The following SLC24A2 variants were observed in gnomAD, a reference collection of about 807,000 sequenced individuals.
The protein encoded by SLC24A2 is sodium/potassium/calcium exchanger 2.
A neutral mutation model predicts 62.0 loss-of-function variants in SLC24A2; 36 were observed. The observed-to-expected ratio is 0.58, with a 90% CI of 0.44 to 0.77. The LOEUF is 0.77. SLC24A2 is among the 30% of genes least tolerant of loss of function. The probability of loss-of-function intolerance (pLI) is 0.00; values close to 1 mark genes in which losing one functional copy is unlikely to be tolerated. For missense variants in SLC24A2, 846 were observed against 817.9 expected (o/e 1.03, Z -0.42); for synonymous variants, 358 against 294.0 (o/e 1.22, Z -2.23).
intron 4 of SLC24A2, among the ~76,000 whole-genome samples, chr9:19,613,818 A>G (rs1260853852): frequency 6.6e-6 from 1 of 152,006 alleles, no homozygotes; most frequent in Non-Finnish European, 1.5e-5. Context: ...ACAAACACAG[A>G]CTGTGAGTCA....
the SLC24A2 span, among the ~76,000 whole-genome samples, chr9:19,934,232 T>C: frequency 4.6e-5 from 7 of 152,334 alleles, no homozygotes; most frequent in South Asian, 8.3e-4. This position sits in a 1 kb window ranked among gnomAD's most constrained non-coding sequence, Gnocchi z 4.1. Context: ...TCTGCACTTA[T>C]TAGGGCAGTT....
intron 2 of SLC24A2, among the ~76,000 whole-genome samples, chr9:19,772,872 C>T (rs190649527): frequency 6.6e-6 from 1 of 152,294 alleles, no homozygotes; most frequent in Admixed American, 6.5e-5. Flanking sequence ...AACATGTATT[C>T]ACACAAACAC....
rs1194089979 is a variant in SLC24A2 at position 19,786,625 on chromosome 9, C to T, written c.242G>A (p.Gly81Asp). The T allele has an allele frequency of 6.2e-7, 1 of 1,614,068 alleles. No individual in the cohort carries two copies. Among genetic ancestry groups the T allele is most frequent in the Non-Finnish European group, 8.5e-7 (1 of 1,179,980 alleles). Residue 81 changes from glycine to aspartate, a missense_variant, in exon 2 of 11, where the codon GGT becomes GAT. Gly to Asp is a moderately conservative substitution (Grantham distance 94). Coordinates refer to ENST00000341998, the MANE Select transcript of SLC24A2 (RefSeq NM_020344.4). This position sits in a 1 kb window ranked among gnomAD's most constrained non-coding sequence, Gnocchi z 5.0. ...SVVSGPRVAQ[G>D]YHQRTLLDLN... ...ATCTAAGAGAGTTCTCTGATGGTAA[C>T]CCTGTGCTACCCTAGGGCCACTTAC... is the stretch of plus-strand genomic sequence containing the variant.
At chr9:19,798,763 T>A in the SLC24A2 span, among the ~76,000 whole-genome samples, 1 of 152,196 alleles carries the variant, frequency 6.6e-6, no homozygotes, top group Non-Finnish European at 1.5e-5. Context: ...TGAAGTTCTG[T>A]AACACAAATG....
At chr9:19,593,240 A>G (rs1253475569) in intron 5 of SLC24A2, among the ~76,000 whole-genome samples, 1 of 152,218 alleles carries the variant, frequency 6.6e-6, no homozygotes, top group East Asian at 1.9e-4. Flanking sequence ...TGTGTCTCCC[A>G]CAAGGTCATG....
At chr9:20,139,280 G>A in the SLC24A2 span, among the ~76,000 whole-genome samples, 1 of 152,172 alleles carries the variant, frequency 6.6e-6, no homozygotes, top group African/African-American at 2.4e-5. Flanking sequence ...AAATCCCAGG[G>A]CTACCCCTTA....
the SLC24A2 span, among the ~76,000 whole-genome samples, chr9:19,802,647 T>C: frequency 2.6e-5 from 4 of 152,118 alleles, no homozygotes; most frequent in Admixed American, 2.6e-4. Flanking sequence ...CCATCAAGAA[T>C]GGGCAAAATA....
the SLC24A2 span, among the ~76,000 whole-genome samples, chr9:19,916,813 T>A: frequency 1.3e-5 from 2 of 151,870 alleles, no homozygotes; most frequent in African/African-American, 4.8e-5. Flanking sequence ...TATATGTCTT[T>A]TTGTGCATGT....
chr9:19,731,844 G>T (rs1821347801), intron 2 of SLC24A2, among the ~76,000 whole-genome samples: 1 of 152,176 alleles, frequency 6.6e-6, no homozygotes, highest in African/African-American at 2.4e-5. Flanking sequence ...CTGTTAGCAG[G>T]ACCTCACACA....
rs181975788 is a variant in SLC24A2 at position 19,552,638 on chromosome 9, A to C, written c.1348-2370T>G. ...CCCCCTAGCTCTGTTCATCACTACC[A>C]TCCACAATCTAGCAACTTTTCTCTC... On this transcript the variant is annotated intron_variant, in intron 7 of 10. Coordinates refer to ENST00000341998, the MANE Select transcript of SLC24A2 (RefSeq NM_020344.4). 1.1e-3 allele frequency among the ~76,000 whole-genome samples: 169 copies of C among 152,216 alleles called. No homozygotes were observed. In the South Asian group the frequency reaches 0.011, roughly 10 times the overall value.
the SLC24A2 span, among the ~76,000 whole-genome samples, chr9:20,042,482 C>A: frequency 2.0e-5 from 3 of 152,130 alleles, no homozygotes; most frequent in African/African-American, 7.2e-5. Context: ...AGAATGAAAA[C>A]CAAAGTTATC....
intron 2 of SLC24A2, among the ~76,000 whole-genome samples, chr9:19,778,880 A>C (rs1446129641): frequency 6.6e-6 from 1 of 152,244 alleles, no homozygotes; most frequent in African/African-American, 2.4e-5. Context: ...ATACAAAATA[A>C]ATATACTTAA....
intron 2 of SLC24A2, among the ~76,000 whole-genome samples, chr9:19,659,857 T>C (rs1003080124): frequency 6.6e-6 from 1 of 152,124 alleles, no homozygotes; most frequent in Admixed American, 6.5e-5. Context: ...CTTGAGAGTT[T>C]CTCATGAATA....
chr9:19,779,391 A>C (rs185100552), intron 2 of SLC24A2, among the ~76,000 whole-genome samples: 1 of 152,244 alleles, frequency 6.6e-6, no homozygotes, highest in Non-Finnish European at 1.5e-5. Flanking sequence ...TAAAGGAGCA[A>C]TGTTTACATG....
At chr9:19,987,169 G>A in the SLC24A2 span, among the ~76,000 whole-genome samples, 1 of 152,112 alleles carries the variant, frequency 6.6e-6, no homozygotes, top group Non-Finnish European at 1.5e-5. Flanking sequence ...GGTTTGGAGT[G>A]TGGGGGACAA....
At chr9:20,208,092 T>C in the SLC24A2 span, among the ~76,000 whole-genome samples, 1 of 151,934 alleles carries the variant, frequency 6.6e-6, no homozygotes, top group South Asian at 2.1e-4. Context: ...GTCAGCAAGA[T>C]TGGGAAGGAA....
At chr9:20,007,343 C>T in the SLC24A2 span, among the ~76,000 whole-genome samples, 1 of 152,084 alleles carries the variant, frequency 6.6e-6, no homozygotes, top group African/African-American at 2.4e-5. Context: ...GCACCTGAGT[C>T]CTACTTTAGG....
At chr9:20,282,502 C>T in the SLC24A2 span, among the ~76,000 whole-genome samples, 976 of 152,268 alleles carry the variant, frequency 6.4e-3, 7 homozygotes, top group African/African-American at 0.023. Flanking sequence ...AATCTGAAAT[C>T]CAAGAGATTA....
chr9:20,102,146 G>C, the SLC24A2 span, among the ~76,000 whole-genome samples: 1 of 152,138 alleles, frequency 6.6e-6, no homozygotes, highest in Non-Finnish European at 1.5e-5. Flanking sequence ...TCTATAAAGA[G>C]TTGGAGCCTA....
Sources: gnomAD v4.1 joint callset for allele counts (sites outside exome capture counted in the v4.1 genomes callset) on GRCh38, gnomAD v4.1.1 for gene constraint, Gnocchi (gnomAD v3.1) non-coding constraint, MANE v1.5 for transcripts, NCBI Gene and HGNC (gene_info 2026-07-23, HGNC 2026-07-21) for gene names.